ABCG1: variants seen among roughly 807,000 people sequenced by gnomAD.
ABCG1 encodes the protein ATP-binding cassette sub-family G member 1.
ABCG1 carries 29 observed loss-of-function variants against 69.2 expected under a neutral mutation model. The ratio of observed to expected loss-of-function variants is 0.42; its 90% CI spans 0.31 to 0.57. ABCG1 has a LOEUF of 0.57. Among genes scored for constraint, ABCG1 ranks in the 20% least tolerant of loss-of-function variants. The pLI is 0.15. For synonymous variants in ABCG1, 370 were observed against 374.8 expected, an observed-to-expected ratio of 0.99 and a Z score of 0.15; for missense variants, 718 against 898.1, an observed-to-expected ratio of 0.80 and a Z score of 2.56.
intron 1 of ABCG1, among the ~76,000 whole-genome samples, chr21:42,224,380 C>T (rs1032213695): frequency 5.3e-5 from 8 of 152,180 alleles, no homozygotes; most frequent in African/African-American, 1.2e-4. Flanking sequence ...GGGTCGCTCC[C>T]TTGGAGTCTG....
rs574854097 is a variant in ABCG1, at chr21:42,291,453, G to C, written c.1495-45G>C. ...AGGAGCTTTGCTGTTGGCCTGCTGT[G>C]GTGGGAAGCGGCTGAGCCCGCGGCT... On this transcript the variant is annotated intron_variant, in intron 12 of 14. Coordinates refer to ENST00000398449, the MANE Select transcript of ABCG1 (RefSeq NM_016818.3). The surrounding 1 kb of genome is among the most constrained non-coding windows in gnomAD (Gnocchi z 6.4). 6.3e-7 allele frequency: 1 copy of C among 1,580,896 alleles called. No homozygotes were observed. The highest frequency in any genetic ancestry group is 1.2e-5 in the South Asian group (1 of 86,648).
At chr21:42,223,846 G>A (rs368388334) in intron 1 of ABCG1, among the ~76,000 whole-genome samples, 1 of 152,188 alleles carries the variant, frequency 6.6e-6, no homozygotes, top group South Asian at 2.1e-4. Context: ...CTGTATTAGT[G>A]TGGGCTTCAG....
chr21:42,256,467 G>C, intron 2 of ABCG1: 1 of 1,549,736 alleles, frequency 6.5e-7, no homozygotes. Flanking sequence ...CCACACCCTG[G>C]CTGGGTGTAC....
At position 42,276,839 on chromosome 21, in the gene ABCG1, C is replaced by T. The variant is rs567232191; in HGVS notation, c.538-56C>T. 7.5e-5 allele frequency: 119 copies of T among 1,594,432 alleles called. No individual in the cohort carries two copies. The Middle Eastern group carries it at 1.4e-3, about 19-fold the overall frequency. On this transcript the variant is annotated intron_variant, in intron 4 of 14. Coordinates refer to ENST00000398449, the MANE Select transcript of ABCG1 (RefSeq NM_016818.3). The surrounding 1 kb of genome is among the most constrained non-coding windows in gnomAD (Gnocchi z 5.3). ...TGGCCTGCAGTGCGGGCATGAGGCT[C>T]ACACTGCCAGTGGCCGTCTGTTCTG...
Position 42,290,089 on chromosome 21 carries a change from G to A in ABCG1, c.1264G>A (p.Gly422Ser), listed in dbSNP as rs759995198. ...GCGCATCACCTCGCACATTGGGATC[G>A]GCCTCCTCATTGGCCTGCTGTACTT... ...HLRITSHIGI[G>S]LLIGLLYLGI... The change falls in exon 11 of 15, where the codon GGC becomes AGC. Residue 422 changes from glycine to serine, a missense_variant. Gly to Ser is a moderately conservative substitution (Grantham distance 56, BLOSUM62 0). Around this residue, in one of 2 missense-constraint regions of ABCG1, gnomAD observed 514 missense variants for 574.3 expected, o/e 0.90. Coordinates refer to ENST00000398449, the MANE Select transcript of ABCG1 (RefSeq NM_016818.3). 1.2e-6 allele frequency: 2 copies of A among 1,614,208 alleles called. No individual in the cohort carries two copies. The highest frequency in any genetic ancestry group is 1.3e-5 in the African/African-American group (1 of 75,056).
At chr21:42,208,451 G>A (rs1291534079) in intron 2 of ABCG1, among the ~76,000 whole-genome samples, 1 of 152,198 alleles carries the variant, frequency 6.6e-6, no homozygotes, top group African/African-American at 2.4e-5. Flanking sequence ...CTTAGAGGGA[G>A]AAGTAGGGAA....
upstream of ABCG1, among the ~76,000 whole-genome samples, chr21:42,213,731 A>G (rs2067611722): frequency 6.6e-6 from 1 of 152,252 alleles, no homozygotes; most frequent in Admixed American, 6.5e-5. Flanking sequence ...CAAAGAAGAT[A>G]TAATGCTTTT....
chr21:42,202,369 A>G (rs1437444368), intron 2 of ABCG1, among the ~76,000 whole-genome samples: 1 of 152,068 alleles, frequency 6.6e-6, no homozygotes, highest in Non-Finnish European at 1.5e-5. Context: ...GCATGTATCC[A>G]CCCACTTTTC....
rs879279734 is a variant in ABCG1 at position 42,268,359 on chromosome 21, A to G, written c.287-2711A>G. 6.5e-3 allele frequency among the ~76,000 whole-genome samples: 561 copies of G among 85,860 alleles called. 3 individuals are homozygous for G. Among genetic ancestry groups the G allele is most frequent in the Middle Eastern group, 0.018 (3 of 168 alleles). The allele number at this position is 85,860 out of a possible 152,430, so 56.3% of individuals were successfully genotyped here. A position where few individuals can be genotyped will look rare whatever the true frequency, so the allele number is the denominator to read the frequency against. ...GTGATTTCCTTACATAAATAGAGGT[A>G]GGGGTGTGTGTGTGTGTGTGTGTGT... On this transcript the variant is annotated intron_variant, in intron 2 of 14. Coordinates refer to ENST00000398449, the MANE Select transcript of ABCG1 (RefSeq NM_016818.3).
chr21:42,266,108 T>C (rs1014598495), intron 2 of ABCG1, among the ~76,000 whole-genome samples: 5 of 152,120 alleles, frequency 3.3e-5, no homozygotes, highest in African/African-American at 1.2e-4. Flanking sequence ...GAGACCATCC[T>C]GGCTAACACA....
At position 42,263,871 on chromosome 21, in the gene ABCG1, G is replaced by A. The variant is rs145650114; in HGVS notation, c.287-7199G>A. On this transcript the variant is annotated intron_variant, in intron 2 of 14. Transcript: ENST00000398449. Reference sequence around the variant, plus strand: ...GTGTGGGAAGAGACGACAAGGCCACGGCGTTGCCTGAGACGGGATGTTGCT... The same window carrying A: ...GTGTGGGAAGAGACGACAAGGCCACAGCGTTGCCTGAGACGGGATGTTGCT... Among the ~76,000 whole-genome samples the A allele has an allele frequency of 4.8e-3, 727 of 152,352 alleles. 3 individuals are homozygous for A. Among genetic ancestry groups the A allele is most frequent in the African/African-American group, 0.016 (658 of 41,580 alleles).
intron 3 of ABCG1, among the ~76,000 whole-genome samples, chr21:42,272,563 G>A (rs111974816): frequency 0.05 from 7,616 of 152,338 alleles, 487 homozygotes; most frequent in African/African-American, 0.15. Flanking sequence ...TAGGGCTAGA[G>A]AGACTGGATC....
chr21:42,240,027 G>A (rs73362750), intron 2 of ABCG1, among the ~76,000 whole-genome samples: 7,123 of 152,272 alleles, frequency 0.047, 540 homozygotes, highest in African/African-American at 0.16. Context: ...CCCCTGGGCC[G>A]TGGTTGTGGG....
At chr21:42,248,422 T>TG (rs537905593) in intron 2 of ABCG1, among the ~76,000 whole-genome samples, 152 of 152,164 alleles carry the variant, frequency 1.0e-3, no homozygotes, top group African/African-American at 3.5e-3. Flanking sequence ...GCACCACCCG[T>TG]GGGGGGTGCA....
intron 2 of ABCG1, among the ~76,000 whole-genome samples, chr21:42,208,840 G>A (rs1391280092): frequency 1.3e-5 from 2 of 152,098 alleles, no homozygotes; most frequent in Non-Finnish European, 2.9e-5. Flanking sequence ...AGCCTTTAGG[G>A]AGTTGCAGGA....
At chr21:42,222,702 G>C (rs2067749349) in intron 1 of ABCG1, among the ~76,000 whole-genome samples, 1 of 152,202 alleles carries the variant, frequency 6.6e-6, no homozygotes, top group African/African-American at 2.4e-5. Flanking sequence ...TTAGGGTTGT[G>C]GAGGTAATAA....
intron 2 of ABCG1, among the ~76,000 whole-genome samples, chr21:42,266,043 T>G (rs905351751): frequency 1.2e-4 from 18 of 152,316 alleles, no homozygotes; most frequent in African/African-American, 4.1e-4. Flanking sequence ...GGCTCACATC[T>G]GTAATCCCAG....
Position 42,273,536 on chromosome 21 carries a change from A to G in ABCG1, c.537+101A>G. 2.1e-6 allele frequency: 3 copies of G among 1,414,122 alleles called. No individual in the cohort carries two copies. The highest frequency in any genetic ancestry group is 2.9e-6 in the Non-Finnish European group (3 of 1,048,782). The allele number at this position is 1,414,122 out of a possible 1,614,324, so 87.6% of individuals were successfully genotyped here. A position where few individuals can be genotyped will look rare whatever the true frequency, so the allele number is the denominator to read the frequency against. On this transcript the variant is annotated intron_variant, in intron 4 of 14. Transcript: ENST00000398449. This position sits in a 1 kb window ranked among gnomAD's most constrained non-coding sequence, Gnocchi z 5.3. ...CGAGTGCCCAGCTGCGAGGGACCCA[A>G]GGGCTCTGCCACGCGGCCTGCACAG...
chr21:42,266,770 A>C (rs1482409049), intron 2 of ABCG1, among the ~76,000 whole-genome samples: 3 of 152,178 alleles, frequency 2.0e-5, no homozygotes, highest in African/African-American at 7.2e-5. Flanking sequence ...TTAAGACTAC[A>C]CTAGAAACCA....
Sources: allele counts gnomAD v4.1 joint callset (sites outside exome capture counted in the v4.1 genomes callset), GRCh38; gene constraint gnomAD v4.1.1; regional missense constraint gnomAD v4.1.1; non-coding constraint Gnocchi (gnomAD v3.1); transcripts MANE v1.5; gene names NCBI Gene and HGNC (gene_info 2026-07-23, HGNC 2026-07-21).